The following SEL1L2 variants were observed in gnomAD, a reference collection of about 807,000 sequenced individuals.
SEL1L2 encodes the protein protein sel-1 homolog 2.
A neutral mutation model predicts 98.8 loss-of-function variants in SEL1L2; 89 were observed. The ratio of observed to expected loss-of-function variants is 0.90; its 90% confidence interval spans 0.76 to 1.07. The LOEUF is 1.07. Among genes scored for constraint, SEL1L2 ranks in the 50% least tolerant of loss-of-function variants. SEL1L2 has a pLI of 0.00. For missense variants in SEL1L2, 788 were observed against 812.0 expected (o/e 0.97, Z 0.36); for synonymous variants, 262 against 278.5 (o/e 0.94, Z 0.59).
chr20:13,990,466 A>C lies in SEL1L2; in HGVS notation c.58+11T>G. On this transcript the variant is annotated intron_variant, in intron 1 of 19. Transcript: ENST00000284951. ...ACCCTCATAGAGAACTCTAAGGACA[A>C]AAAAACTTACTTTTAATTGTGACCC... 1 of 1,602,920 alleles carries C rather than the reference A, an allele frequency of 6.2e-7. No homozygotes were observed. Among genetic ancestry groups the C allele is most frequent in the Non-Finnish European group, 8.5e-7 (1 of 1,170,296 alleles).
chr20:13,885,291 C>G, intron 10 of SEL1L2, 56 bp downstream of exon 10: 1 of 1,128,136 alleles, frequency 8.9e-7, no homozygotes. Context: ...TCCCTGCCAG[C>G]CTCCCTCACC....
At chr20:13,983,560 G>C (rs759173804) in intron 1 of SEL1L2, among the ~76,000 whole-genome samples, 37 of 151,170 alleles carry the variant, frequency 2.4e-4, no homozygotes, top group Non-Finnish European at 4.6e-4. Context: ...CGCTCTTGTT[G>C]CCCAGGCTGG....
intron 18 of SEL1L2, among the ~76,000 whole-genome samples, chr20:13,853,416 G>T (rs889369638): frequency 2.0e-5 from 3 of 151,502 alleles, no homozygotes; most frequent in Non-Finnish European, 4.4e-5. Context: ...GTTTCACCAT[G>T]ATGCCCAGGC....
In SEL1L2 at chr20:13,886,408, T is replaced by G. The variant is rs1187416567; in HGVS notation, c.780A>C (p.Pro260=). 4 of 1,613,858 alleles carry G rather than the reference T, an allele frequency of 2.5e-6. No individual in the cohort carries two copies. The African/African-American group carries it at 4.0e-5, about 16-fold the overall frequency. The part of the protein sequence containing the change: ...ADTFEKSEGV[P]VEKVRLTERP... ...TTTCCGTTAGTCTCACTTTTTCCACTGGAACACCTTCACTTTTTTCAAATG... is the reference window on the plus strand; with the variant it reads ...TTTCCGTTAGTCTCACTTTTTCCACGGGAACACCTTCACTTTTTTCAAATG... The change falls in exon 9 of 20, where the codon CCA becomes CCC. Residue 260 remains proline, a synonymous_variant. Transcript: ENST00000284951.
chr20:13,862,789 G>A (rs1326014060), intron 17 of SEL1L2, among the ~76,000 whole-genome samples: 1 of 152,034 alleles, frequency 6.6e-6, no homozygotes, highest in Non-Finnish European at 1.5e-5. Flanking sequence ...CCGGGCTCAA[G>A]AGATCCTCCT....
intron 1 of SEL1L2, among the ~76,000 whole-genome samples, chr20:13,972,432 G>A (rs940078757): frequency 6.6e-6 from 1 of 152,082 alleles, no homozygotes; most frequent in African/African-American, 2.4e-5. Flanking sequence ...TGTGATTGTT[G>A]TATTTCTAAA....
At chr20:13,924,665 T>A (rs958291611) in intron 3 of SEL1L2, among the ~76,000 whole-genome samples, 3 of 152,142 alleles carry the variant, frequency 2.0e-5, no homozygotes, top group Non-Finnish European at 4.4e-5. Context: ...ACTTAAGTGA[T>A]CCTCCCACCT....
At chr20:13,933,575 TC>T (rs2049256486) in intron 2 of SEL1L2, among the ~76,000 whole-genome samples, 1 of 152,202 alleles carries the variant, frequency 6.6e-6, no homozygotes, top group African/African-American at 2.4e-5. Flanking sequence ...TCAGGGTTAA[TC>T]CATGTTGTAG....
intron 4 of SEL1L2, among the ~76,000 whole-genome samples, chr20:13,914,634 T>C (rs2048327825): frequency 6.6e-6 from 1 of 152,200 alleles, no homozygotes; most frequent in African/African-American, 2.4e-5. Flanking sequence ...GGGATAGCAT[T>C]ATAGCACCCA....
chr20:13,963,065 C>CAAA (rs11472589), intron 1 of SEL1L2, among the ~76,000 whole-genome samples: 2,444 of 140,540 alleles, frequency 0.017, 39 homozygotes, highest in Admixed American at 0.038. Flanking sequence ...GACTCCATCT[C>CAAA]AAAAAAAAAA....
chr20:13,913,968 G>A (rs936705737), intron 4 of SEL1L2, 24 bp from the exon 5 acceptor site: 2 of 1,536,632 alleles, frequency 1.3e-6, no homozygotes, highest in Middle Eastern at 1.7e-4. Flanking sequence ...ATAAAGTCAA[G>A]TTTGATTTTC....
At chr20:13,907,700 C>CTCTT (rs10665105) in intron 5 of SEL1L2, among the ~76,000 whole-genome samples, 19,279 of 125,314 alleles carry the variant, frequency 0.15, 1,701 homozygotes, top group Middle Eastern at 0.21. Flanking sequence ...TTCTTTCTTT[C>CTCTT]TCTTTCTTTC....
intron 3 of SEL1L2, among the ~76,000 whole-genome samples, chr20:13,925,565 C>T (rs2048855536): frequency 1.3e-5 from 2 of 152,206 alleles, no homozygotes; most frequent in South Asian, 4.1e-4. Context: ...TATGAGACTC[C>T]TAGCTTTATT....
intron 2 of SEL1L2, among the ~76,000 whole-genome samples, chr20:13,946,001 T>C (rs28892923): frequency 6.6e-6 from 1 of 152,178 alleles, no homozygotes; most frequent in African/African-American, 2.4e-5. Flanking sequence ...TCATACTCAA[T>C]GGTTAAAGTT....
chr20:13,859,389 C>A lies in SEL1L2; in HGVS notation c.1691G>T (p.Gly564Val), dbSNP rs1274170644. 2.5e-6 allele frequency: 4 copies of A among 1,613,988 alleles called. No individual in the cohort carries two copies. The highest frequency in any genetic ancestry group is 1.7e-5 in the Admixed American group (1 of 60,022). ...RVKIGDYHYY[G>V]YGTKKDYQTA... Reference sequence around the variant, plus strand: ...TTGATAGTCTTTCTTAGTCCCATAGCCATAGTAATGGTAATCTCCAATTTT... The same window carrying A: ...TTGATAGTCTTTCTTAGTCCCATAGACATAGTAATGGTAATCTCCAATTTT... Residue 564 changes from glycine to valine, a missense_variant, in exon 18 of 20, where the codon GGC (glycine) becomes GTC (valine). Gly to Val is a moderately radical substitution (Grantham distance 109). Coordinates refer to ENST00000284951, the MANE Select transcript of SEL1L2 (RefSeq NM_025229.2).
intron 5 of SEL1L2, among the ~76,000 whole-genome samples, chr20:13,905,472 G>A (rs1432338734): frequency 6.6e-6 from 1 of 151,774 alleles, no homozygotes; most frequent in Non-Finnish European, 1.5e-5. Flanking sequence ...CACCATGCCC[G>A]GCTAATTTTT....
At chr20:13,921,309 C>T (rs2048658542) in intron 3 of SEL1L2, among the ~76,000 whole-genome samples, 1 of 152,236 alleles carries the variant, frequency 6.6e-6, no homozygotes, top group Middle Eastern at 3.4e-3. Context: ...GTAGCTGGGA[C>T]TACAGGTGCA....
chr20:13,924,081 G>C (rs1262306484), intron 3 of SEL1L2, among the ~76,000 whole-genome samples: 1 of 151,894 alleles, frequency 6.6e-6, no homozygotes, highest in Non-Finnish European at 1.5e-5. Flanking sequence ...CCCTATTATT[G>C]ACTTTACCTT....
intron 1 of SEL1L2, among the ~76,000 whole-genome samples, chr20:13,968,009 G>T (rs990008649): frequency 6.6e-6 from 1 of 152,124 alleles, no homozygotes; most frequent in Non-Finnish European, 1.5e-5. Flanking sequence ...TAGGCTAATG[G>T]CTTAGTTATA....
Sources: allele counts gnomAD v4.1 joint callset (sites outside exome capture counted in the v4.1 genomes callset), GRCh38; gene constraint gnomAD v4.1.1; transcripts MANE v1.5; gene names NCBI Gene and HGNC (gene_info 2026-07-23, HGNC 2026-07-21).